The following TG variants were observed in gnomAD, a reference collection of about 807,000 sequenced individuals.
TG encodes thyroid hormones.
A neutral mutation model predicts 324.7 loss-of-function variants in TG; 270 were observed. The observed-to-expected ratio is 0.83, with a 90% CI of 0.75 to 0.92. The LOEUF is 0.92. TG is among the 40% of genes least tolerant of loss of function. TG has a pLI of 0.00. For missense variants in TG, 3,591 were observed against 3,456.4 expected (o/e 1.04, Z -0.98); for synonymous variants, 1,401 against 1,327.0 (o/e 1.06, Z -1.21).
intron 24 of TG, among the ~76,000 whole-genome samples, chr8:132,934,095 G>A (rs1327439260): frequency 6.6e-6 from 1 of 152,168 alleles, no homozygotes; most frequent in Non-Finnish European, 1.5e-5. Flanking sequence ...CACTTTGGGA[G>A]GCCTAGGCGG....
chr8:132,898,647 A>G (rs1817475066), intron 13 of TG, 151 bp from the exon 14 acceptor site: 2 of 721,092 alleles, frequency 2.8e-6, no homozygotes, highest in Non-Finnish European at 4.9e-6. Flanking sequence ...CATGTCCCAC[A>G]TGAGTCTTTG....
Position 132,992,646 on chromosome 8 carries a change from A to G in TG, c.6262+9234A>G, listed in dbSNP as rs188305554. ...TGGGGTCTCTCAGACTCCCTTTAGG[A>G]TGGAAGGGCTCTACCCCAGTGGCTG... On this transcript the variant is annotated intron_variant, in intron 35 of 47. Transcript: ENST00000220616. Among the ~76,000 whole-genome samples the G allele has an allele frequency of 1.7e-3, 261 of 152,186 alleles. 3 individuals are homozygous for G. The highest frequency in any genetic ancestry group is 6.1e-3 in the African/African-American group (252 of 41,506).
At chr8:133,072,319 A>C (rs1176652446) in intron 41 of TG, among the ~76,000 whole-genome samples, 1 of 152,210 alleles carries the variant, frequency 6.6e-6, no homozygotes, top group Admixed American at 6.5e-5. Flanking sequence ...GATAGGAGGA[A>C]GTGGTTTGAA....
At position 132,935,947 on chromosome 8, in the gene TG, G is replaced by A. The variant is rs530527288; in HGVS notation, c.5041+83G>A. ...GAGCTGGTTTCCAGCAGGTGCATGT[G>A]AGGAGGAGCCAGACTGTCCCGCTCC... On this transcript the variant is annotated intron_variant, in intron 25 of 47. Coordinates refer to ENST00000220616, the MANE Select transcript of TG (RefSeq NM_003235.5). 2.7e-3 allele frequency: 2,927 copies of A among 1,089,436 alleles called. 5 individuals carry two copies. The highest frequency in any genetic ancestry group is 5.6e-3 in the Admixed American group (297 of 52,952). 67.5% of individuals were successfully genotyped at this position (1,089,436 alleles called of 1,614,324 possible).
At chr8:133,102,344 C>T (rs899191819) in intron 43 of TG, 28 of 503,576 alleles carry the variant, frequency 5.6e-5, no homozygotes, top group South Asian at 4.1e-4. Flanking sequence ...AGGGAAGTCA[C>T]GGAGGGACAG....
intron 10 of TG, among the ~76,000 whole-genome samples, chr8:132,890,749 G>C (rs1816112050): frequency 6.6e-6 from 1 of 152,222 alleles, no homozygotes; most frequent in South Asian, 2.1e-4. Flanking sequence ...CACACAGGAA[G>C]TACTTAATAA....
intron 5 of TG, among the ~76,000 whole-genome samples, chr8:132,877,129 C>CTTAT (rs111415269): frequency 1.3e-5 from 2 of 150,640 alleles, no homozygotes; most frequent in East Asian, 3.9e-4. Flanking sequence ...ACGGCCCCCT[C>CTTAT]TTATTTTATT....
chr8:133,026,072 CTG>C lies in TG; in HGVS notation c.7037-3745_7037-3744del, dbSNP rs1418603650. 2.0e-5 allele frequency among the ~76,000 whole-genome samples: 3 copies of C among 152,192 alleles called. No individual in the cohort carries two copies. In the East Asian group the frequency reaches 5.8e-4, roughly 29 times the overall value. Reference sequence around the variant, plus strand: ...AGACAGGGGCTCTTCCCAGGCAGGGCTGTGTTTTTATCATTTCCTGGCCCAGT... The same window carrying C: ...AGACAGGGGCTCTTCCCAGGCAGGGCTGTTTTTATCATTTCCTGGCCCAGT... On this transcript the variant is annotated intron_variant, in intron 40 of 47. Transcript: ENST00000220616.
intron 41 of TG, among the ~76,000 whole-genome samples, chr8:133,058,493 C>G (rs1841864536): frequency 6.6e-6 from 1 of 152,252 alleles, no homozygotes; most frequent in South Asian, 2.1e-4. Flanking sequence ...GAGGTTCGCT[C>G]AAGCATGCTG....
intron 45 of TG, among the ~76,000 whole-genome samples, chr8:133,118,393 C>T (rs959435532): frequency 1.4e-5 from 2 of 145,380 alleles, no homozygotes; most frequent in Non-Finnish European, 3.0e-5. Flanking sequence ...GGTGCAATCT[C>T]GGCTCACTGC....
chr8:132,995,128 C>A (rs919335272), intron 35 of TG: 16 of 973,394 alleles, frequency 1.6e-5, no homozygotes, highest in Non-Finnish European at 1.9e-5. Flanking sequence ...CTGGGCAGAT[C>A]TCAGTCTCTG....
Position 132,948,939 on chromosome 8 carries a change from C to T in TG, c.5397C>T (p.Ile1799=). Residue 1799 remains isoleucine (I), a synonymous_variant, in exon 27 of 48, where the codon ATC becomes ATT. Coordinates refer to ENST00000220616, the MANE Select transcript of TG (RefSeq NM_003235.5). Reference sequence around the variant, plus strand: ...TGCGTCTTGGAGACCAGGAGTTCATCAAGAGTAAGTCTTTGCCATTTGTCC... The same window carrying T: ...TGCGTCTTGGAGACCAGGAGTTCATTAAGAGTAAGTCTTTGCCATTTGTCC... ...VILRLGDQEF[I]KSLTPLEGTQ... is the part of the protein sequence containing the mutation. 2.5e-6 allele frequency: 4 copies of T among 1,613,268 alleles called. No individual in the cohort carries two copies. Among genetic ancestry groups the T allele is most frequent in the Non-Finnish European group, 3.4e-6 (4 of 1,179,936 alleles).
intron 35 of TG, among the ~76,000 whole-genome samples, chr8:132,991,253 C>T (rs915498110): frequency 6.6e-6 from 1 of 152,108 alleles, no homozygotes; most frequent in South Asian, 2.1e-4. Flanking sequence ...CCACAGCACT[C>T]TCCACAGTGG....
rs545146769 is a variant in TG at position 133,016,891 on chromosome 8, C to T, written c.6563-887C>T. On this transcript the variant is annotated intron_variant, in intron 37 of 47. Transcript: ENST00000220616. Reference sequence around the variant, plus strand: ...GGGCTACAGAGAAACTGATGAACGTCGCTGGCGATTAGTGTTGCATGGAGC... The same window carrying T: ...GGGCTACAGAGAAACTGATGAACGTTGCTGGCGATTAGTGTTGCATGGAGC... Among the ~76,000 whole-genome samples, 9 of 152,338 alleles carry T rather than the reference C, an allele frequency of 5.9e-5. 1 individual carries two copies. In the South Asian group the frequency reaches 6.2e-4, roughly 11 times the overall value.
chr8:132,911,678 T>C, intron 19 of TG, 145 bp downstream of exon 19: 1 of 700,148 alleles, frequency 1.4e-6, no homozygotes, highest in Non-Finnish European at 2.5e-6. Context: ...TAAAAACATA[T>C]AATAATCAAT....
At chr8:132,908,436 G>GTTCA in intron 18 of TG, 96 bp downstream of exon 18, 1 of 899,498 alleles carries the variant, frequency 1.1e-6, no homozygotes. Flanking sequence ...AGAGGCTGGA[G>GTTCA]ACAGGGGCCC....
chr8:132,980,643 G>A (rs1477348440), intron 34 of TG, among the ~76,000 whole-genome samples: 1 of 152,186 alleles, frequency 6.6e-6, no homozygotes. Context: ...GAGGCTCAGG[G>A]CTTGTGATTG....
chr8:133,096,496 A>T (rs1266207646), intron 43 of TG, 123 bp downstream of exon 43: 2 of 1,223,774 alleles, frequency 1.6e-6, no homozygotes, highest in Admixed American at 1.9e-5. Flanking sequence ...TGCAATGCCT[A>T]TGTGAGTTTA....
intron 35 of TG, among the ~76,000 whole-genome samples, chr8:132,997,148 C>T (rs946386465): frequency 6.6e-6 from 1 of 152,188 alleles, no homozygotes; most frequent in Non-Finnish European, 1.5e-5. Flanking sequence ...TCTAGATGAA[C>T]ATTCAGTCCA....
Sources: allele counts gnomAD v4.1 joint callset (sites outside exome capture counted in the v4.1 genomes callset), GRCh38; gene constraint gnomAD v4.1.1; transcripts MANE v1.5; gene names NCBI Gene and HGNC (gene_info 2026-07-23, HGNC 2026-07-21).